The following PPARG variants were observed in gnomAD, a reference collection of about 807,000 sequenced individuals.
The protein encoded by PPARG is peroxisome proliferator-activated receptor gamma.
In PPARG, 17 loss-of-function variants were observed where a neutral mutation model predicts 39.2. That is an observed-to-expected ratio of 0.43 (90% CI 0.30 to 0.65). The LOEUF is 0.65. Ranked by LOEUF, PPARG falls within the 30% of genes least tolerant of loss-of-function variation. The probability of loss-of-function intolerance (pLI) is 0.13; values close to 1 mark genes in which losing one functional copy is unlikely to be tolerated. For missense variants in PPARG, 406 were observed against 585.9 expected, an observed-to-expected ratio of 0.69 and a Z score of 3.17; for synonymous variants, 223 against 215.7, an observed-to-expected ratio of 1.03 and a Z score of -0.30.
chr3:12,424,825 G>T (rs961801623), intron 7 of PPARG, among the ~76,000 whole-genome samples: 1 of 152,094 alleles, frequency 6.6e-6, no homozygotes, highest in Non-Finnish European at 1.5e-5. Context: ...GTGTGCTTGC[G>T]GCAATTATTT....
rs567955770 is a variant in PPARG, at chr3:12,382,033, T to C, written c.390+542T>C. ...GGATCCCTAGAGCAATCCTATAAGA[T>C]TGGACTTCTTTATGGCCACATTGCA... On this transcript the variant is annotated intron_variant, in intron 4 of 7. Transcript: ENST00000651735. 9.9e-5 allele frequency among the ~76,000 whole-genome samples: 15 copies of C among 152,268 alleles called. No homozygotes were observed. In the East Asian group the frequency reaches 2.7e-3, roughly 27 times the overall value.
chr3:12,400,812 G>A (rs1003764595), intron 5 of PPARG, among the ~76,000 whole-genome samples: 3 of 152,200 alleles, frequency 2.0e-5, no homozygotes, highest in African/African-American at 7.2e-5. Flanking sequence ...GGAAACTTTA[G>A]AATCTTCTTT....
chr3:12,348,371 T>C (rs536023148), intron 2 of PPARG, among the ~76,000 whole-genome samples: 11 of 152,352 alleles, frequency 7.2e-5, no homozygotes, highest in African/African-American at 2.4e-4. Context: ...CTGAGTAATA[T>C]TCAGATTCTT....
intron 1 of PPARG, among the ~76,000 whole-genome samples, chr3:12,309,306 TGTA>T (rs1411450115): frequency 6.6e-6 from 1 of 152,246 alleles, no homozygotes; most frequent in Non-Finnish European, 1.5e-5. Flanking sequence ...TTGTCGTTTT[TGTA>T]GTAATCATAC....
intron 2 of PPARG, among the ~76,000 whole-genome samples, chr3:12,335,277 A>G (rs1468112077): frequency 6.6e-6 from 1 of 152,230 alleles, no homozygotes; most frequent in East Asian, 1.9e-4. Flanking sequence ...TTCAATAGCT[A>G]AGGCTTATGG....
At chr3:12,433,623 T>C (rs2051743807) in intron 7 of PPARG, among the ~76,000 whole-genome samples, 1 of 151,832 alleles carries the variant, frequency 6.6e-6, no homozygotes, top group African/African-American at 2.4e-5. Context: ...GGGAACAGGA[T>C]TGTTTTGATG....
intron 1 of PPARG, among the ~76,000 whole-genome samples, chr3:12,303,292 G>A (rs2046975966): frequency 1.3e-5 from 2 of 152,012 alleles, no homozygotes; most frequent in Admixed American, 1.3e-4. Flanking sequence ...CGCTTCCTGG[G>A]TTCAAGCGAT....
At chr3:12,298,315 AAAAAAAAAAAAAG>A (rs1319301531) in intron 1 of PPARG, among the ~76,000 whole-genome samples, 1 of 148,882 alleles carries the variant, frequency 6.7e-6, no homozygotes, top group Admixed American at 6.7e-5. Flanking sequence ...AAAAAAAAAA[AAAAAAAAAAAAAG>A]AAATGTAAAA....
intron 2 of PPARG, among the ~76,000 whole-genome samples, chr3:12,360,134 AAG>A (rs1357926601): frequency 1.1e-4 from 16 of 152,328 alleles, no homozygotes; most frequent in Admixed American, 2.0e-4. Flanking sequence ...GTTTTTAAAA[AAG>A]AATAATTTTA....
intron 1 of PPARG, among the ~76,000 whole-genome samples, chr3:12,302,654 G>A (rs1022586875): frequency 6.6e-6 from 1 of 152,216 alleles, no homozygotes; most frequent in Admixed American, 6.5e-5. Context: ...CCAGTTTGAA[G>A]TGGAGAGTGC....
At chr3:12,423,709 T>C (rs1284856120) in intron 7 of PPARG, among the ~76,000 whole-genome samples, 1 of 152,210 alleles carries the variant, frequency 6.6e-6, no homozygotes, top group Non-Finnish European at 1.5e-5. Flanking sequence ...TCAGCCCGCT[T>C]TCTCCCACCT....
intron 1 of PPARG, among the ~76,000 whole-genome samples, chr3:12,303,652 A>G (rs1401786033): frequency 6.6e-6 from 1 of 152,224 alleles, no homozygotes; most frequent in Non-Finnish European, 1.5e-5. Context: ...GCTAGGAATT[A>G]AAGGGAGGTC....
At chr3:12,372,068 T>G (rs746559173) in intron 2 of PPARG, 5 of 720,088 alleles carry the variant, frequency 6.9e-6, no homozygotes. Flanking sequence ...TCTTTTAAGG[T>G]CATTTCCAAC....
chr3:12,387,963 C>G (rs1034157067), intron 4 of PPARG, among the ~76,000 whole-genome samples: 7 of 152,146 alleles, frequency 4.6e-5, no homozygotes, highest in Non-Finnish European at 1.0e-4. Flanking sequence ...TGCCAAATAA[C>G]TGAGCGCTCT....
Position 12,434,133 on chromosome 3 carries a change from G to A in PPARG, c.1416G>A (p.Lys472=), listed in dbSNP as rs770898588. ...ACCCGCTCCTGCAGGAGATCTACAAGGACTTGTACTAGCAGAGAGTCCTGA... is the reference window on the plus strand; with the variant it reads ...ACCCGCTCCTGCAGGAGATCTACAAAGACTTGTACTAGCAGAGAGTCCTGA... ...SLHPLLQEIY[K]DLY is the part of the protein sequence containing the mutation. The change falls in exon 8 of 8, where the codon AAG becomes AAA. Residue 472 remains lysine (K), a synonymous_variant. Coordinates refer to ENST00000651735, the MANE Select transcript of PPARG (RefSeq NM_138711.6). The surrounding 1 kb of genome is among the most constrained non-coding windows in gnomAD (Gnocchi z 4.2). The A allele has an allele frequency of 1.3e-5, 21 of 1,614,040 alleles. No individual in the cohort carries two copies. In the East Asian group the frequency reaches 2.9e-4, roughly 22 times the overall value.
intron 6 of PPARG, among the ~76,000 whole-genome samples, chr3:12,416,045 T>C (rs184784445): frequency 3.5e-4 from 54 of 152,346 alleles, no homozygotes; most frequent in African/African-American, 1.2e-3. Context: ...GTGTATTTCA[T>C]TGAAAGCCAA....
At chr3:12,360,748 A>C (rs1268909186) in intron 2 of PPARG, among the ~76,000 whole-genome samples, 1 of 152,168 alleles carries the variant, frequency 6.6e-6, no homozygotes, top group African/African-American at 2.4e-5. Flanking sequence ...GAGATTAATC[A>C]CACTATTGAA....
chr3:12,353,248 CATT>C (rs1411126696), intron 2 of PPARG, among the ~76,000 whole-genome samples: 1 of 152,158 alleles, frequency 6.6e-6, no homozygotes, highest in Non-Finnish European at 1.5e-5. Context: ...GCAATTAAAA[CATT>C]ATATTTTGTA....
chr3:12,303,503 G>T (rs1011945403), intron 1 of PPARG, among the ~76,000 whole-genome samples: 1 of 152,130 alleles, frequency 6.6e-6, no homozygotes, highest in Non-Finnish European at 1.5e-5. Context: ...GCCTGGCCAG[G>T]CAGTCATGTT....
Sources: allele counts gnomAD v4.1 joint callset (sites outside exome capture counted in the v4.1 genomes callset), GRCh38; gene constraint gnomAD v4.1.1; non-coding constraint Gnocchi (gnomAD v3.1); transcripts MANE v1.5; gene names NCBI Gene and HGNC (gene_info 2026-07-23, HGNC 2026-07-21).